Variants in RASSF6 observed in about 807,000 individuals in gnomAD.
RASSF6 encodes Ras association domain family member 6.
In RASSF6, 52 loss-of-function variants were observed where a neutral mutation model predicts 44.0. That is an observed-to-expected ratio of 1.18 (90% CI 0.95 to 1.49). The LOEUF is 1.49. RASSF6 is among the 40% of genes most tolerant of loss of function. The pLI, the probability that RASSF6 is intolerant of heterozygous loss-of-function variation, is 0.00. For synonymous variants in RASSF6, 162 were observed against 124.6 expected (o/e 1.30, Z -2.00); for missense variants, 464 against 393.3 (o/e 1.18, Z -1.52).
Position 73,585,197 on chromosome 4 carries a change from G to T in RASSF6, c.550C>A (p.His184Asn). Residue 184 changes from histidine (H) to asparagine (N), a missense_variant, in exon 6 of 11, where the codon CAC becomes AAC. Physicochemically the swap from His to Asn is moderately conservative, Grantham distance 68. Coordinates refer to ENST00000307439, the MANE Select transcript of RASSF6 (RefSeq NM_177532.5). ...RQKNRASING[H>N]FYNHETSIFI... ...TCACTTACTTCATGGTTATAGAAGT[G>T]TCCATTAATAGAGGCTCTATTTTTC... 6.2e-7 allele frequency: 1 copy of T among 1,604,416 alleles called. No individual in the cohort carries two copies. The highest frequency in any genetic ancestry group is 8.5e-7 in the Non-Finnish European group (1 of 1,176,146).
In RASSF6 at chr4:73,576,124, G is replaced by C. The variant is rs1018974176; in HGVS notation, c.*111C>G. 1.8e-6 allele frequency: 1 copy of C among 568,032 alleles called. No homozygotes were observed. Among genetic ancestry groups the C allele is most frequent in the Non-Finnish European group, 3.0e-6 (1 of 333,130 alleles). The allele number at this position is 568,032 out of a possible 1,614,324, so 35.2% of individuals were successfully genotyped here. A position where few individuals can be genotyped will look rare whatever the true frequency, so the allele number is the denominator to read the frequency against. ...CTTTTTTTGACATTCAATTTTCTAC[G>C]ATTCAAGTCTCATATATGTTCGTAT... is the stretch of plus-strand genomic sequence containing the variant. On this transcript the variant is annotated 3_prime_UTR_variant, in exon 11 of 11. Transcript: ENST00000307439.
intron 5 of RASSF6, among the ~76,000 whole-genome samples, chr4:73,585,977 TC>T (rs948896521): frequency 3.6e-5 from 3 of 82,480 alleles, no homozygotes; most frequent in Non-Finnish European, 6.7e-5. Flanking sequence ...ATGCTATCCC[TC>T]CCCCCTCCCC....
intron 4 of RASSF6, among the ~76,000 whole-genome samples, chr4:73,591,393 A>G (rs1578036799): frequency 6.6e-6 from 1 of 152,240 alleles, no homozygotes; most frequent in East Asian, 1.9e-4. Context: ...AATGTTTGAT[A>G]TTTATTACAT....
chr4:73,600,609 T>C lies in RASSF6; in HGVS notation c.66-1891A>G, dbSNP rs186463809. On this transcript the variant is annotated intron_variant, in intron 2 of 10. Coordinates refer to ENST00000307439, the MANE Select transcript of RASSF6 (RefSeq NM_177532.5). ...TGAATATTGAATGACAGAATTTATA[T>C]ATACTGACTGTTACATGTTTGAAAT... 7.3e-3 allele frequency among the ~76,000 whole-genome samples: 1,109 copies of C among 152,326 alleles called. 15 individuals are homozygous for C. Among genetic ancestry groups the C allele is most frequent in the Admixed American group, 0.027 (418 of 15,304 alleles).
chr4:73,586,713 A>C (rs535187763), intron 5 of RASSF6, among the ~76,000 whole-genome samples: 1 of 151,976 alleles, frequency 6.6e-6, no homozygotes, highest in Non-Finnish European at 1.5e-5. Context: ...TATTTTTATG[A>C]TGTCTTTGAT....
At chr4:73,577,342 T>A (rs746848953) in intron 8 of RASSF6, among the ~76,000 whole-genome samples, 6 of 152,214 alleles carry the variant, frequency 3.9e-5, no homozygotes, top group Non-Finnish European at 5.9e-5. Flanking sequence ...CCAAAAGTTA[T>A]AATATAAATA....
intron 8 of RASSF6, 30 bp downstream of exon 8, chr4:73,581,787 C>G (rs1168571526): frequency 6.7e-7 from 1 of 1,502,920 alleles, no homozygotes; most frequent in East Asian, 2.3e-5. Context: ...ACTCTAGAGT[C>G]AGGTAAAAAG....
chr4:73,582,337 A>T (rs1208342547), intron 6 of RASSF6, 47 bp from the exon 7 acceptor site: 3 of 947,908 alleles, frequency 3.2e-6, no homozygotes, highest in South Asian at 1.8e-5. Context: ...TATTATATTA[A>T]GGGTATTCAA....
intron 2 of RASSF6, 126 bp downstream of exon 2, chr4:73,611,605 A>G: frequency 3.9e-6 from 2 of 515,662 alleles, no homozygotes; most frequent in South Asian, 4.0e-5. Context: ...CTTCTTATCT[A>G]GTATCTCTAC....
At chr4:73,611,281 A>T (rs1725994874) in intron 2 of RASSF6, among the ~76,000 whole-genome samples, 1 of 152,154 alleles carries the variant, frequency 6.6e-6, no homozygotes. Context: ...TGCTGCGTAC[A>T]AGAAAAGCTG....
Position 73,600,863 on chromosome 4 carries a change from A to G in RASSF6, c.66-2145T>C, listed in dbSNP as rs77259017. Among the ~76,000 whole-genome samples the G allele has an allele frequency of 5.0e-3, 766 of 152,322 alleles. 10 individuals carry two copies. Among genetic ancestry groups the G allele is most frequent in the African/African-American group, 0.018 (730 of 41,578 alleles). On this transcript the variant is annotated intron_variant, in intron 2 of 10. Transcript: ENST00000307439. ...ATTTTGTTCTCCTGGGGTCATTGTC[A>G]TAGGATATTTCCTAAAAATTATACT...
At position 73,573,102 on chromosome 4, in the gene RASSF6, A is replaced by G. The variant is rs987487032; in HGVS notation, c.*3133T>C. The G allele has an allele frequency of 6.6e-6, 1 of 152,076 alleles. No individual in the cohort carries two copies. The highest frequency in any genetic ancestry group is 1.5e-5 in the Non-Finnish European group (1 of 68,024). 9.4% of individuals were successfully genotyped at this position (152,076 alleles called of 1,614,324 possible). On this transcript the variant is annotated 3_prime_UTR_variant, in exon 11 of 11. Coordinates refer to ENST00000307439, the MANE Select transcript of RASSF6 (RefSeq NM_177532.5). Reference sequence around the variant, plus strand: ...GAAACAGAATTTTAATGGCTACATAACAATATACAAATAAATGTTTATTTC... The same window carrying G: ...GAAACAGAATTTTAATGGCTACATAGCAATATACAAATAAATGTTTATTTC...
rs1723218429 is a variant in RASSF6 at position 73,576,397 on chromosome 4, G to A, written c.938+13C>T. The A allele has an allele frequency of 1.3e-6, 2 of 1,505,742 alleles. No individual in the cohort carries two copies. The highest frequency in any genetic ancestry group is 1.8e-6 in the Non-Finnish European group (2 of 1,093,674). The allele number at this position is 1,505,742 out of a possible 1,614,324, so 93.3% of individuals were successfully genotyped here. ...AAAGAACGGAGTATCCAATGTGCAT[G>A]CTCTTGACTTACTTTGTTACTATTC... On this transcript the variant is annotated intron_variant, in intron 10 of 10. Transcript: ENST00000307439.
Position 73,576,607 on chromosome 4 carries a change from TC to T in RASSF6, c.840+5del, listed in dbSNP as rs1723245696. 1.9e-6 allele frequency: 3 copies of T among 1,583,188 alleles called. No individual in the cohort carries two copies. Among genetic ancestry groups the T allele is most frequent in the Non-Finnish European group, 2.6e-6 (3 of 1,152,154 alleles). ...AAAAACAGATTCAGGGTGATGGTAT[TC>T]ATACATCACTGCTAATTTCTTCTGC... is the stretch of plus-strand genomic sequence containing the variant. On this transcript the variant is annotated splice_donor_5th_base_variant and intron_variant, in intron 9 of 10. Coordinates refer to ENST00000307439, the MANE Select transcript of RASSF6 (RefSeq NM_177532.5).
rs1723056041 is a variant in RASSF6, at chr4:73,573,910, G to A, written c.*2325C>T. 6.6e-6 allele frequency: 1 copy of A among 152,280 alleles called. No homozygotes were observed. Among genetic ancestry groups the A allele is most frequent in the Non-Finnish European group, 1.5e-5 (1 of 68,118 alleles). The allele number at this position is 152,280 out of a possible 1,614,324, so 9.4% of individuals were successfully genotyped here. ...AGAGGGCGCTGGAGACACACTGCAA[G>A]AGGAAGGGGTCTTTCCTGATTCCTC... On this transcript the variant is annotated 3_prime_UTR_variant, in exon 11 of 11. Transcript: ENST00000307439.
In RASSF6 at chr4:73,576,022, G is replaced by A; in HGVS notation, c.*213C>T. ...ATATGCAGTATTCAAGCTTATTTCA[G>A]TTACTGAAACTAAACTCAAACTCAT... On this transcript the variant is annotated 3_prime_UTR_variant, in exon 11 of 11. Transcript: ENST00000307439. 2 of 426,148 alleles carry A rather than the reference G, an allele frequency of 4.7e-6. No individual in the cohort carries two copies. Among genetic ancestry groups the A allele is most frequent in the South Asian group, 5.0e-5 (1 of 20,132 alleles). 26.4% of individuals were successfully genotyped at this position (426,148 alleles called of 1,614,324 possible).
At chr4:73,578,053 T>C (rs1018163063) in intron 8 of RASSF6, among the ~76,000 whole-genome samples, 1 of 10,942 alleles carries the variant, frequency 9.1e-5, no homozygotes, top group Non-Finnish European at 2.3e-4. Flanking sequence ...TTATCTGCAG[T>C]TATGGATATA....
upstream of RASSF6, chr4:73,620,596 G>T: frequency 1.0e-6 from 1 of 963,052 alleles, no homozygotes; most frequent in Non-Finnish European, 1.5e-6. Flanking sequence ...CAGCAGGGAA[G>T]TGTCAAGAAA....
chr4:73,577,165 G>A (rs562049996), intron 8 of RASSF6, among the ~76,000 whole-genome samples: 6 of 151,940 alleles, frequency 3.9e-5, no homozygotes, highest in South Asian at 2.1e-4. Flanking sequence ...CCTTTGTCTC[G>A]CTCCACACCC....
Sources: allele counts gnomAD v4.1 joint callset (sites outside exome capture counted in the v4.1 genomes callset), GRCh38; gene constraint gnomAD v4.1.1; transcripts MANE v1.5; gene names NCBI Gene and HGNC (gene_info 2026-07-23, HGNC 2026-07-21).